Variants in ATRNL1 observed in about 807,000 individuals in gnomAD.
The protein encoded by ATRNL1 is attractin like 1, also known as attractin-like protein 1.
ATRNL1 carries 95 observed loss-of-function variants against 182.7 expected under a neutral mutation model. That is an observed-to-expected ratio of 0.52 (90% CI 0.44 to 0.62). The LOEUF (loss-of-function observed/expected upper bound fraction) is 0.62, where lower values mean the gene tolerates loss of function less well. Ranked by LOEUF, ATRNL1 falls within the 20% of genes least tolerant of loss-of-function variation. The probability of loss-of-function intolerance (pLI) is 0.00; values close to 1 mark genes in which losing one functional copy is unlikely to be tolerated. For missense variants in ATRNL1, 1,471 were observed against 1,679.5 expected, an observed-to-expected ratio of 0.88 and a Z score of 2.17; for synonymous variants, 576 against 568.3, an observed-to-expected ratio of 1.01 and a Z score of -0.19.
intron 26 of ATRNL1, among the ~76,000 whole-genome samples, chr10:115,661,927 C>A (rs922615240): frequency 2.8e-5 from 4 of 142,512 alleles, no homozygotes; most frequent in Non-Finnish European, 6.1e-5. Flanking sequence ...CCCCCTCCCC[C>A]CTCCTCCCAC....
chr10:115,337,416 G>T (rs1018068196), intron 19 of ATRNL1, among the ~76,000 whole-genome samples: 5 of 151,960 alleles, frequency 3.3e-5, no homozygotes, highest in African/African-American at 1.2e-4. Flanking sequence ...ACCTTATTGT[G>T]CTATCGAATA....
intron 1 of ATRNL1, among the ~76,000 whole-genome samples, chr10:115,116,679 T>G (rs1316225574): frequency 1.3e-5 from 2 of 152,106 alleles, no homozygotes; most frequent in African/African-American, 4.8e-5. Flanking sequence ...ATTTCTCCCC[T>G]TTACGCATGT....
At chr10:115,512,553 A>G (rs538291736) in intron 24 of ATRNL1, among the ~76,000 whole-genome samples, 9 of 151,382 alleles carry the variant, frequency 5.9e-5, no homozygotes, top group Non-Finnish European at 1.3e-4. Context: ...TATTTATAAT[A>G]ATTTATTTAT....
intron 25 of ATRNL1, among the ~76,000 whole-genome samples, chr10:115,544,493 G>C (rs2133796021): frequency 6.6e-6 from 1 of 152,270 alleles, no homozygotes; most frequent in Non-Finnish European, 1.5e-5. Flanking sequence ...AAGGTGAAGG[G>C]GGGGCAGGCT....
chr10:115,691,802 C>A (rs12265282), intron 26 of ATRNL1, among the ~76,000 whole-genome samples: 1,539 of 152,134 alleles, frequency 0.01, 29 homozygotes, highest in African/African-American at 0.035. Flanking sequence ...TCTTATTTTT[C>A]ATTTTTAAAT....
At chr10:115,582,013 C>A (rs547082549) in intron 26 of ATRNL1, among the ~76,000 whole-genome samples, 31 of 149,906 alleles carry the variant, frequency 2.1e-4, no homozygotes, top group Non-Finnish European at 2.2e-4. Context: ...TTTGTTCTTG[C>A]GATAGTTTAC....
At chr10:115,845,701 G>GT (rs11372912) in intron 27 of ATRNL1, among the ~76,000 whole-genome samples, 112,377 of 149,526 alleles carry the variant, frequency 0.75, 42,216 homozygotes, top group Admixed American at 0.82. Flanking sequence ...TTGCAGTCGA[G>GT]TTTTTTTTTT....
intron 5 of ATRNL1, among the ~76,000 whole-genome samples, chr10:115,153,830 T>G (rs1846367086): frequency 6.6e-6 from 1 of 152,232 alleles, no homozygotes. Flanking sequence ...ATTTTAGATC[T>G]TTTCTGCTTT....
chr10:115,456,661 A>G (rs1847539800), intron 21 of ATRNL1, among the ~76,000 whole-genome samples: 1 of 152,124 alleles, frequency 6.6e-6, no homozygotes, highest in Non-Finnish European at 1.5e-5. Context: ...TTGAATAGTA[A>G]TATATGTAAT....
At chr10:115,670,653 G>T (rs575875894) in intron 26 of ATRNL1, among the ~76,000 whole-genome samples, 1 of 152,130 alleles carries the variant, frequency 6.6e-6, no homozygotes, top group East Asian at 1.9e-4. Flanking sequence ...ACACTTTAAA[G>T]CATATAAGGT....
chr10:115,643,752 C>T (rs1859419726), intron 26 of ATRNL1, among the ~76,000 whole-genome samples: 1 of 151,996 alleles, frequency 6.6e-6, no homozygotes, highest in Non-Finnish European at 1.5e-5. Context: ...CACTGCTGCA[C>T]CTACTTCTAC....
chr10:115,760,992 T>C (rs1367161381), intron 27 of ATRNL1, among the ~76,000 whole-genome samples: 2 of 152,180 alleles, frequency 1.3e-5, no homozygotes, highest in African/African-American at 4.8e-5. Flanking sequence ...GGAGGTCTCC[T>C]AAGGAGTAAA....
intron 8 of ATRNL1, among the ~76,000 whole-genome samples, chr10:115,214,309 A>AATATAT (rs3086142): frequency 9.8e-4 from 146 of 148,788 alleles, no homozygotes; most frequent in African/African-American, 3.1e-3. Context: ...TTTTAGTTCA[A>AATATAT]ATATATATAT....
intron 26 of ATRNL1, among the ~76,000 whole-genome samples, chr10:115,584,058 G>A (rs1193598377): frequency 1.3e-5 from 2 of 152,096 alleles, no homozygotes; most frequent in African/African-American, 4.8e-5. Context: ...TACATTTATT[G>A]ATTTGCGTGT....
intron 1 of ATRNL1, among the ~76,000 whole-genome samples, chr10:115,101,424 T>C (rs1375885647): frequency 4.6e-5 from 7 of 152,114 alleles, no homozygotes; most frequent in African/African-American, 1.7e-4. Context: ...TGATGGAAAC[T>C]GGATTGTATT....
chr10:115,738,261 C>CCG (rs782686924), intron 27 of ATRNL1, among the ~76,000 whole-genome samples: 1 of 150,012 alleles, frequency 6.7e-6, no homozygotes, highest in Non-Finnish European at 1.5e-5. Flanking sequence ...GCCTCAGCCC[C>CCG]AGTCTGTAGC....
rs1245859128 is a variant in ATRNL1, at chr10:115,126,844, T to C, written c.492-749T>C. On this transcript the variant is annotated intron_variant, in intron 3 of 28. Coordinates refer to ENST00000355044, the MANE Select transcript of ATRNL1 (RefSeq NM_207303.4). ...ATAGATTTAGAGAGGTTAGAACATATAACTAAATGAAGATAGGTAATTTTC... is the reference window on the plus strand; with the variant it reads ...ATAGATTTAGAGAGGTTAGAACATACAACTAAATGAAGATAGGTAATTTTC... Among the ~76,000 whole-genome samples the C allele has an allele frequency of 2.0e-5, 3 of 152,170 alleles. No individual in the cohort carries two copies. In the East Asian group the frequency reaches 5.8e-4, roughly 29 times the overall value.
At chr10:115,516,175 T>A (rs191987930) in intron 24 of ATRNL1, among the ~76,000 whole-genome samples, 1 of 152,060 alleles carries the variant, frequency 6.6e-6, no homozygotes, top group Non-Finnish European at 1.5e-5. Context: ...ATATTCTAAG[T>A]AAGTTTTTCT....
intron 28 of ATRNL1, among the ~76,000 whole-genome samples, chr10:115,849,711 A>T (rs1951010185): frequency 6.6e-6 from 1 of 152,156 alleles, no homozygotes; most frequent in Non-Finnish European, 1.5e-5. Context: ...ATCATAAATG[A>T]GGGGAGTGAG....
Sources: gnomAD v4.1 joint callset for allele counts (sites outside exome capture counted in the v4.1 genomes callset) on GRCh38, gnomAD v4.1.1 for gene constraint, MANE v1.5 for transcripts, NCBI Gene and HGNC (gene_info 2026-07-23, HGNC 2026-07-21) for gene names.